Variants in DCC observed in about 807,000 individuals in gnomAD.
DCC encodes the protein DCC netrin 1 receptor.
A neutral mutation model predicts 172.5 loss-of-function variants in DCC; 58 were observed. The ratio of observed to expected loss-of-function variants is 0.34; its 90% CI spans 0.27 to 0.42. DCC has a LOEUF of 0.42. DCC is among the 10% of genes least tolerant of loss of function. The pLI, the probability that DCC is intolerant of heterozygous loss-of-function variation, is 1.00. For synonymous variants in DCC, 709 were observed against 644.5 expected, an observed-to-expected ratio of 1.10 and a Z score of -1.52; for missense variants, 1,740 against 1,791.0, an observed-to-expected ratio of 0.97 and a Z score of 0.51.
At chr18:52,778,275 C>T (rs2037469952) in intron 2 of DCC, among the ~76,000 whole-genome samples, 1 of 152,148 alleles carries the variant, frequency 6.6e-6, no homozygotes, top group Non-Finnish European at 1.5e-5. Flanking sequence ...TGCACTAATA[C>T]ATAAAAATAA....
At chr18:52,655,992 A>G (rs2144935175) in intron 1 of DCC, among the ~76,000 whole-genome samples, 1 of 146,540 alleles carries the variant, frequency 6.8e-6, no homozygotes, top group Admixed American at 6.9e-5. Context: ...GTGTGTATAT[A>G]TATATGTGCG....
intron 2 of DCC, among the ~76,000 whole-genome samples, chr18:52,841,537 G>T (rs116751102): frequency 0.024 from 3,720 of 152,266 alleles, 134 homozygotes; most frequent in African/African-American, 0.082. Context: ...ATTGCCATCT[G>T]CTGAGAAGTG....
At chr18:52,385,560 C>T (rs1032398976) in intron 1 of DCC, among the ~76,000 whole-genome samples, 2 of 152,014 alleles carry the variant, frequency 1.3e-5, no homozygotes, top group African/African-American at 4.8e-5. Flanking sequence ...AAGAAGATCC[C>T]ATTCCAGGGG....
intron 1 of DCC, among the ~76,000 whole-genome samples, chr18:52,467,983 A>G (rs1460650058): frequency 1.3e-5 from 2 of 152,092 alleles, no homozygotes; most frequent in African/African-American, 2.4e-5. Flanking sequence ...AACAGTTCCT[A>G]TAGAGCAGTG....
intron 5 of DCC, among the ~76,000 whole-genome samples, chr18:53,023,363 A>T (rs1258627634): frequency 6.7e-6 from 1 of 149,384 alleles, no homozygotes; most frequent in Non-Finnish European, 1.5e-5. Context: ...AAAAATAAAA[A>T]TAAAAATAAA....
At chr18:52,398,022 C>T (rs1438070998) in intron 1 of DCC, among the ~76,000 whole-genome samples, 1 of 151,960 alleles carries the variant, frequency 6.6e-6, no homozygotes, top group Non-Finnish European at 1.5e-5. Context: ...AAGGCCTCAT[C>T]AACAGCTCCT....
chr18:52,992,391 C>T (rs1379320054), intron 5 of DCC, among the ~76,000 whole-genome samples: 1 of 152,158 alleles, frequency 6.6e-6, no homozygotes, highest in African/African-American at 2.4e-5. Context: ...TAGAAGTGCT[C>T]AAGCAGTTTC....
intron 2 of DCC, among the ~76,000 whole-genome samples, chr18:52,878,378 C>T (rs1257992016): frequency 2.0e-5 from 3 of 152,184 alleles, no homozygotes; most frequent in African/African-American, 7.2e-5. Context: ...GAAACAGTTA[C>T]TAACAAGTTA....
chr18:52,914,138 A>T (rs1400038432), intron 3 of DCC, among the ~76,000 whole-genome samples: 1 of 152,046 alleles, frequency 6.6e-6, no homozygotes, highest in Non-Finnish European at 1.5e-5. Context: ...GATTCTCCAA[A>T]CTAACTTTGA....
chr18:52,641,164 T>A (rs569648187), intron 1 of DCC, among the ~76,000 whole-genome samples: 1 of 152,140 alleles, frequency 6.6e-6, no homozygotes, highest in Non-Finnish European at 1.5e-5. Context: ...GCTAGCCACA[T>A]GTAGGAGAAT....
At chr18:53,006,147 A>G (rs748656455) in intron 5 of DCC, among the ~76,000 whole-genome samples, 7 of 152,242 alleles carry the variant, frequency 4.6e-5, no homozygotes, top group Non-Finnish European at 7.3e-5. Flanking sequence ...TAATACAGGA[A>G]CATAAAAATA....
intron 11 of DCC, among the ~76,000 whole-genome samples, chr18:53,209,325 A>C (rs975387020): frequency 6.6e-6 from 1 of 152,210 alleles, no homozygotes; most frequent in Non-Finnish European, 1.5e-5. Flanking sequence ...GGGCCAACGA[A>C]AACTCAGGCA....
chr18:52,677,432 C>T (rs1017066167), intron 1 of DCC, among the ~76,000 whole-genome samples: 3 of 152,020 alleles, frequency 2.0e-5, no homozygotes, highest in East Asian at 1.9e-4. Context: ...ATTACTATAG[C>T]AGATTCTATG....
chr18:52,550,295 C>A (rs1285534438), intron 1 of DCC, among the ~76,000 whole-genome samples: 1 of 151,684 alleles, frequency 6.6e-6, no homozygotes, highest in African/African-American at 2.4e-5. Flanking sequence ...CACAACGAGC[C>A]TAAGGAGACA....
At chr18:52,409,892 C>A (rs1173323064) in intron 1 of DCC, among the ~76,000 whole-genome samples, 1 of 152,090 alleles carries the variant, frequency 6.6e-6, no homozygotes, top group Non-Finnish European at 1.5e-5. Flanking sequence ...GGTGACTCAG[C>A]AGGTCAACAA....
chr18:53,200,364 G>T (rs916866932), intron 9 of DCC, among the ~76,000 whole-genome samples: 1 of 152,064 alleles, frequency 6.6e-6, no homozygotes, highest in African/African-American at 2.4e-5. Context: ...AAATCAAATG[G>T]GTTAGACTAC....
intron 22 of DCC, 124 bp downstream of exon 22, chr18:53,435,333 G>A: frequency 1.4e-5 from 9 of 654,424 alleles, no homozygotes; most frequent in East Asian, 2.8e-5. Context: ...TGTCTTAGTG[G>A]GATAATAGAA....
intron 1 of DCC, among the ~76,000 whole-genome samples, chr18:52,690,136 C>T (rs1027080339): frequency 4.6e-5 from 7 of 152,242 alleles, no homozygotes; most frequent in South Asian, 4.2e-4. Flanking sequence ...AAGTACTGGG[C>T]TAAGCTGTAT....
chr18:52,427,833 TTTCTTCCTTCC>T, intron 1 of DCC, among the ~76,000 whole-genome samples: 1 of 42,306 alleles, frequency 2.4e-5, no homozygotes, highest in African/African-American at 5.2e-5. Flanking sequence ...CCTTCCTTCC[TTTCTTCCTTCC>T]TTCCTTCCTT....
Sources: allele counts gnomAD v4.1 joint callset (sites outside exome capture counted in the v4.1 genomes callset), GRCh38; gene constraint gnomAD v4.1.1; transcripts MANE v1.5; gene names NCBI Gene and HGNC (gene_info 2026-07-23, HGNC 2026-07-21).